The following GRM8 variants were observed in gnomAD, a reference collection of about 807,000 sequenced individuals.
GRM8 encodes the protein metabotropic glutamate receptor 8.
Under a neutral mutation model 87.2 loss-of-function variants are expected in GRM8, and 47 were observed. That is an observed-to-expected ratio of 0.54 (90% CI 0.43 to 0.69). GRM8 has a LOEUF of 0.69. Ranked by LOEUF, GRM8 falls within the 30% of genes least tolerant of loss-of-function variation. GRM8 has a pLI of 0.00. For synonymous variants in GRM8, 396 were observed against 404.5 expected, an observed-to-expected ratio of 0.98 and a Z score of 0.25; for missense variants, 1,019 against 1,139.2, an observed-to-expected ratio of 0.89 and a Z score of 1.52.
At chr7:126,520,412 C>T (rs1812807907) in intron 9 of GRM8, among the ~76,000 whole-genome samples, 3 of 151,918 alleles carry the variant, frequency 2.0e-5, no homozygotes, top group Non-Finnish European at 4.4e-5. Flanking sequence ...TTTCTGATCC[C>T]AGTTTTGGAT....
At chr7:126,712,945 CAG>C (rs1811271641) in intron 7 of GRM8, among the ~76,000 whole-genome samples, 1 of 152,058 alleles carries the variant, frequency 6.6e-6, no homozygotes. Context: ...GTCAGGAAAA[CAG>C]ACGCTGGTGA....
intron 3 of GRM8, among the ~76,000 whole-genome samples, chr7:127,076,904 T>C (rs187690321): frequency 2.0e-5 from 3 of 152,248 alleles, no homozygotes; most frequent in Admixed American, 2.0e-4. Flanking sequence ...CAGTGGACAA[T>C]TTAGGCCAAT....
chr7:126,851,983 G>T (rs1488507189), intron 6 of GRM8, among the ~76,000 whole-genome samples: 1 of 152,156 alleles, frequency 6.6e-6, no homozygotes, highest in Non-Finnish European at 1.5e-5. Flanking sequence ...GTATTGCCAT[G>T]CCAGAGAGAG....
chr7:126,965,102 G>A (rs1211757597), intron 3 of GRM8, among the ~76,000 whole-genome samples: 1 of 152,112 alleles, frequency 6.6e-6, no homozygotes, highest in African/African-American at 2.4e-5. Context: ...AATGGGAGTA[G>A]AACAATGAGA....
chr7:126,767,564 A>C (rs1818329496), intron 7 of GRM8, among the ~76,000 whole-genome samples: 1 of 152,132 alleles, frequency 6.6e-6, no homozygotes, highest in African/African-American at 2.4e-5. Context: ...TGACTGCTTA[A>C]GAAGCTCAAA....
intron 6 of GRM8, among the ~76,000 whole-genome samples, chr7:126,845,287 C>T (rs1294614544): frequency 2.6e-5 from 4 of 152,134 alleles, no homozygotes; most frequent in African/African-American, 7.2e-5. Context: ...AAATAGTTCA[C>T]GAAATCCCTT....
chr7:127,017,094 A>C (rs1451346036), intron 3 of GRM8, among the ~76,000 whole-genome samples: 1 of 152,108 alleles, frequency 6.6e-6, no homozygotes, highest in Admixed American at 6.6e-5. Context: ...ATTGAATGGG[A>C]ACATCTAATC....
intron 9 of GRM8, among the ~76,000 whole-genome samples, chr7:126,457,868 A>T (rs1457215736): frequency 6.6e-6 from 1 of 151,216 alleles, no homozygotes; most frequent in Non-Finnish European, 1.5e-5. Flanking sequence ...ATCTTTGGAA[A>T]GACTGTAAAA....
At chr7:126,486,633 G>T (rs1351504546) in intron 9 of GRM8, among the ~76,000 whole-genome samples, 2 of 151,948 alleles carry the variant, frequency 1.3e-5, no homozygotes, top group East Asian at 3.9e-4. Context: ...AAATATCGAG[G>T]ATACCTCAGT....
At chr7:126,885,326 G>A (rs990779472) in intron 6 of GRM8, among the ~76,000 whole-genome samples, 2 of 152,138 alleles carry the variant, frequency 1.3e-5, no homozygotes, top group Non-Finnish European at 2.9e-5. Flanking sequence ...ATAAGTCAAG[G>A]TAGAACTGTC....
chr7:126,440,389 C>A, intron 10 of GRM8, among the ~76,000 whole-genome samples: 1 of 104,430 alleles, frequency 9.6e-6, no homozygotes. Context: ...CCAGCCTAGG[C>A]AACAGAGCAA....
intron 3 of GRM8, among the ~76,000 whole-genome samples, chr7:126,921,799 G>A (rs1419526651): frequency 6.6e-6 from 1 of 152,086 alleles, no homozygotes; most frequent in Non-Finnish European, 1.5e-5. Context: ...TACCTTCCAT[G>A]CATACCTTTT....
intron 7 of GRM8, among the ~76,000 whole-genome samples, chr7:126,643,557 G>A (rs1234372245): frequency 6.6e-6 from 1 of 151,788 alleles, no homozygotes; most frequent in Non-Finnish European, 1.5e-5. Context: ...CATGCGAAAG[G>A]ATAATTAAAA....
At chr7:127,205,660 G>A (rs1411789736) in intron 2 of GRM8, among the ~76,000 whole-genome samples, 1 of 152,088 alleles carries the variant, frequency 6.6e-6, no homozygotes, top group Non-Finnish European at 1.5e-5. Flanking sequence ...ACCTCACCTG[G>A]GGTCTATGGC....
intron 9 of GRM8, among the ~76,000 whole-genome samples, chr7:126,488,675 T>C (rs901255197): frequency 2.0e-5 from 3 of 152,020 alleles, no homozygotes; most frequent in African/African-American, 7.2e-5. Context: ...TTCTATACTA[T>C]TGGATATGTA....
intron 8 of GRM8, among the ~76,000 whole-genome samples, chr7:126,587,396 TA>T (rs1427295601): frequency 6.6e-6 from 1 of 152,192 alleles, no homozygotes; most frequent in Non-Finnish European, 1.5e-5. Context: ...ATTGCGGCAC[TA>T]TTCACAATAG....
intron 3 of GRM8, among the ~76,000 whole-genome samples, chr7:126,967,879 G>A (rs1121874): frequency 0.4 from 60,240 of 151,942 alleles, 12,161 homozygotes; most frequent in East Asian, 0.66. Context: ...AAACCAGTAA[G>A]TCATAATGAA....
chr7:126,686,464 C>T (rs1808206864), intron 7 of GRM8, among the ~76,000 whole-genome samples: 1 of 152,160 alleles, frequency 6.6e-6, no homozygotes, highest in Non-Finnish European at 1.5e-5. Flanking sequence ...GGCAGTGACT[C>T]CCTATTTGGG....
intron 1 of GRM8, among the ~76,000 whole-genome samples, chr7:127,248,429 G>A (rs1293450675): frequency 2.6e-5 from 4 of 152,228 alleles, no homozygotes; most frequent in Non-Finnish European, 4.4e-5. Context: ...ATGGGGGCAG[G>A]AGGCCATGCT....
Sources: gnomAD v4.1 joint callset for allele counts (sites outside exome capture counted in the v4.1 genomes callset) on GRCh38, gnomAD v4.1.1 for gene constraint, MANE v1.5 for transcripts, NCBI Gene and HGNC (gene_info 2026-07-23, HGNC 2026-07-21) for gene names.